The following CLK3 variants were observed in gnomAD, a reference collection of about 807,000 sequenced individuals.
The protein encoded by CLK3 is dual specificity protein kinase CLK3.
In CLK3, 24 loss-of-function variants were observed where a neutral mutation model predicts 65.2. The observed-to-expected ratio is 0.37, with a 90% CI of 0.27 to 0.52. The LOEUF (loss-of-function observed/expected upper bound fraction) is 0.52. Ranked by LOEUF, CLK3 falls within the 20% of genes least tolerant of loss-of-function variation. The pLI, the probability that CLK3 is intolerant of heterozygous loss-of-function variation, is 0.92. For synonymous variants in CLK3, 252 were observed against 240.8 expected (o/e 1.05, Z -0.43); for missense variants, 506 against 660.0 (o/e 0.77, Z 2.56).
chr15:74,620,268 C>T lies in CLK3; in HGVS notation c.369+43C>T, dbSNP rs377701238. The T allele has an allele frequency of 1.1e-5, 18 of 1,609,520 alleles. No homozygotes were observed. The Admixed American group carries it at 1.7e-4, about 15-fold the overall frequency. On this transcript the variant is annotated intron_variant, in intron 3 of 12. Transcript: ENST00000395066. ...TGTGCTGGCTGGGGCTTAAAGGCCT[C>T]ATCTCTTCCTAGCCTTCTCTCAGGC...
intron 1 of CLK3, among the ~76,000 whole-genome samples, chr15:74,610,010 C>T (rs1195179641): frequency 6.6e-6 from 1 of 152,238 alleles, no homozygotes; most frequent in Non-Finnish European, 1.5e-5. Flanking sequence ...CTTGGCTGGA[C>T]TAAGCCCCTG....
At chr15:74,615,696 G>C (rs750579722), upstream of CLK3, 2 of 1,238,520 alleles carry the variant, frequency 1.6e-6, no homozygotes, top group Non-Finnish European at 2.0e-6. Flanking sequence ...CGCGGCGCCC[G>C]CCGGAGCGGA....
intron 7 of CLK3, among the ~76,000 whole-genome samples, chr15:74,626,401 AGGG>A (rs2062143749): frequency 6.6e-6 from 1 of 152,250 alleles, no homozygotes; most frequent in African/African-American, 2.4e-5. Flanking sequence ...TGGCAGTGCC[AGGG>A]CTCAGCGCAG....
At chr15:74,623,798 G>C (rs1250401254) in intron 5 of CLK3, 1 of 152,352 alleles carries the variant, frequency 6.6e-6, no homozygotes, top group Non-Finnish European at 1.5e-5. Context: ...GGCCAGTGGG[G>C]GTTGTCATGC....
Position 74,627,629 on chromosome 15 carries a change from G to A in CLK3, c.1003G>A (p.Val335Met). ...TGACCATGAGCACCACACCACCATT[G>A]TGGCCACCCGTCACTATCGCCCGCC... ...TFDHEHHTTI[V>M]ATRHYRPPEV... The change falls in exon 9 of 13, where the codon GTG becomes ATG. Residue 335 changes from valine to methionine, a missense_variant. This residue lies in a region of CLK3 where 325 missense variants were observed against 500.5 expected (regional missense o/e 0.65). Transcript: ENST00000395066. This position sits in a 1 kb window ranked among gnomAD's most constrained non-coding sequence, Gnocchi z 4.3. 6.2e-7 allele frequency: 1 copy of A among 1,614,054 alleles called. No homozygotes were observed. Among genetic ancestry groups the A allele is most frequent in the Non-Finnish European group, 8.5e-7 (1 of 1,180,038 alleles).
chr15:74,613,731 T>C (rs1363133725), upstream of CLK3, among the ~76,000 whole-genome samples: 1 of 152,064 alleles, frequency 6.6e-6, no homozygotes, highest in Non-Finnish European at 1.5e-5. Flanking sequence ...GAAGCTTCTC[T>C]GAGAACATCC....
In CLK3 at chr15:74,627,578, G is replaced by C; in HGVS notation, c.952G>C (p.Val318Leu). 3 of 1,614,220 alleles carry C rather than the reference G, an allele frequency of 1.9e-6. No homozygotes were observed. The highest frequency in any genetic ancestry group is 1.7e-6 in the Non-Finnish European group (2 of 1,180,042). Residue 318 changes from valine (V) to leucine (L), a missense_variant, in exon 9 of 13, where the codon GTG becomes CTG. Val to Leu is a conservative substitution (Grantham distance 32, BLOSUM62 1). This residue lies in a region of CLK3 where 325 missense variants were observed against 500.5 expected (regional missense o/e 0.65). Coordinates refer to ENST00000395066, the MANE Select transcript of CLK3 (RefSeq NM_001130028.2). The surrounding 1 kb of genome is among the most constrained non-coding windows in gnomAD (Gnocchi z 4.3). ...EKSVKNTSIR[V>L]ADFGSATFDH... ...GTCAGTGAAGAACACCAGCATCCGA[G>C]TGGCTGACTTTGGCAGTGCCACATT...
upstream of CLK3, chr15:74,615,178 C>G: frequency 5.3e-6 from 2 of 376,020 alleles, no homozygotes; most frequent in Non-Finnish European, 9.4e-6. Context: ...GCCACGCAGG[C>G]CGGCAGGAAG....
chr15:74,629,363 G>T, intron 12 of CLK3: 2 of 529,644 alleles, frequency 3.8e-6, no homozygotes, highest in East Asian at 3.4e-5. Context: ...TGAGGGGGAG[G>T]GAAGACCTAG....
rs754803472 is a variant in CLK3 at position 74,621,002 on chromosome 15, A to T, written c.369+777A>T. ...TTGCGCTCAGTCCCCTGGGGAAGCAAAGCCAGTTGTGTATTTCCGAGGTTA... is the reference window on the plus strand; with the variant it reads ...TTGCGCTCAGTCCCCTGGGGAAGCATAGCCAGTTGTGTATTTCCGAGGTTA... On this transcript the variant is annotated intron_variant, in intron 3 of 12. Transcript: ENST00000395066. This position sits in a 1 kb window ranked among gnomAD's most constrained non-coding sequence, Gnocchi z 4.8. The T allele has an allele frequency of 6.6e-6, 1 of 152,330 alleles. No individual in the cohort carries two copies. The highest frequency in any genetic ancestry group is 1.5e-5 in the Non-Finnish European group (1 of 68,126). The allele number at this position is 152,330 out of a possible 1,614,324, so 9.4% of individuals were successfully genotyped here.
intron 5 of CLK3, chr15:74,623,852 G>C (rs567518317): frequency 6.6e-6 from 1 of 152,388 alleles, no homozygotes; most frequent in South Asian, 2.1e-4. Flanking sequence ...CTTATTCTAA[G>C]AGCAGTGCAA....
chr15:74,624,706 A>G lies in CLK3; in HGVS notation c.534-196A>G. On this transcript the variant is annotated intron_variant, in intron 5 of 12. Transcript: ENST00000395066. This position sits in a 1 kb window ranked among gnomAD's most constrained non-coding sequence, Gnocchi z 4.2. ...AAGGATGCTAAGAGCATTAACTCAC[A>G]GATCTCAGGGAGCTTGCTGTTGGGT... is the stretch of plus-strand genomic sequence containing the variant. 3.3e-6 allele frequency: 2 copies of G among 601,810 alleles called. No homozygotes were observed. The highest frequency in any genetic ancestry group is 1.9e-5 in the African/African-American group (1 of 53,912). The allele number at this position is 601,810 out of a possible 1,614,324, so 37.3% of individuals were successfully genotyped here. A position where few individuals can be genotyped will look rare whatever the true frequency, so the allele number is the denominator to read the frequency against.
At chr15:74,629,168 C>A in intron 12 of CLK3, 136 bp downstream of exon 12, 1 of 748,426 alleles carries the variant, frequency 1.3e-6, no homozygotes, top group Non-Finnish European at 2.4e-6. Flanking sequence ...GCACCCAAGA[C>A]TGCTGGGTGC....
chr15:74,614,234 G>C (rs763075795), upstream of CLK3, among the ~76,000 whole-genome samples: 1 of 152,162 alleles, frequency 6.6e-6, no homozygotes, highest in Non-Finnish European at 1.5e-5. Flanking sequence ...GACTGGTCTC[G>C]AATTCCTGAC....
At position 74,630,107 on chromosome 15, in the gene CLK3, T is replaced by TA. The variant is rs2062181780; in HGVS notation, c.*225dup. On this transcript the variant is annotated 3_prime_UTR_variant, in exon 13 of 13. Transcript: ENST00000395066. Reference sequence around the variant, plus strand: ...TATAAAGTTATAATAAAGTGTTTCTTACTGTTTGTAACCCCTGGTACCAGT... The same window carrying TA: ...TATAAAGTTATAATAAAGTGTTTCTTAACTGTTTGTAACCCCTGGTACCAGT... The TA allele has an allele frequency of 5.9e-6, 3 of 511,802 alleles. No homozygotes were observed. The highest frequency in any genetic ancestry group is 1.0e-5 in the Non-Finnish European group (3 of 287,266). 31.7% of individuals were successfully genotyped at this position (511,802 alleles called of 1,614,324 possible).
intron 1 of CLK3, 47 bp downstream of exon 1, chr15:74,615,945 C>T (rs2062054820): frequency 9.9e-6 from 12 of 1,214,260 alleles, no homozygotes; most frequent in Non-Finnish European, 1.0e-5. Flanking sequence ...CGGCGGCGGC[C>T]GGGGGTGAGT....
At chr15:74,611,091 C>T (rs2061983754), upstream of CLK3, among the ~76,000 whole-genome samples, 1 of 152,186 alleles carries the variant, frequency 6.6e-6, no homozygotes, top group East Asian at 1.9e-4. Flanking sequence ...CCACAGGGAC[C>T]CTGGCCCTTC....
upstream of CLK3, among the ~76,000 whole-genome samples, chr15:74,611,161 CACCCTTCCAGGG>C (rs1238839497): frequency 6.6e-6 from 1 of 152,238 alleles, no homozygotes; most frequent in Non-Finnish European, 1.5e-5. Flanking sequence ...CAACACCCTG[CACCCTTCCAGGG>C]GCACCATTCA....
rs573261462 is a variant in CLK3, at chr15:74,627,035, G to A, written c.818-317G>A. 9.9e-6 allele frequency: 5 copies of A among 505,460 alleles called. No individual in the cohort carries two copies. Among genetic ancestry groups the A allele is most frequent in the Admixed American group, 2.3e-5 (1 of 43,932 alleles). 31.3% of individuals were successfully genotyped at this position (505,460 alleles called of 1,614,324 possible). On this transcript the variant is annotated intron_variant, in intron 7 of 12. Coordinates refer to ENST00000395066, the MANE Select transcript of CLK3 (RefSeq NM_001130028.2). This position sits in a 1 kb window ranked among gnomAD's most constrained non-coding sequence, Gnocchi z 4.3. ...GGTGCAGGGAAGAGGGAACCACCTC[G>A]AGGCTGTTGCTGTAGCTCTGCTGAG... is the stretch of plus-strand genomic sequence containing the variant.
Sources: allele counts gnomAD v4.1 joint callset (sites outside exome capture counted in the v4.1 genomes callset), GRCh38; gene constraint gnomAD v4.1.1; regional missense constraint gnomAD v4.1.1; non-coding constraint Gnocchi (gnomAD v3.1); transcripts MANE v1.5; gene names NCBI Gene and HGNC (gene_info 2026-07-23, HGNC 2026-07-21).